The following ATP9A variants were observed in gnomAD, a reference collection of about 807,000 sequenced individuals.
ATP9A encodes the protein probable phospholipid-transporting ATPase IIA.
In ATP9A, 52 loss-of-function variants were observed where a neutral mutation model predicts 144.1. The ratio of observed to expected loss-of-function variants is 0.36; its 90% confidence interval spans 0.29 to 0.45. The LOEUF (loss-of-function observed/expected upper bound fraction) is 0.45. Ranked by LOEUF, ATP9A falls within the 20% of genes least tolerant of loss-of-function variation. The probability of loss-of-function intolerance (pLI) is 1.00; values close to 1 mark genes in which losing one functional copy is unlikely to be tolerated. For synonymous variants in ATP9A, 582 were observed against 557.4 expected (o/e 1.04, Z -0.62); for missense variants, 947 against 1,392.7 (o/e 0.68, Z 5.09).
In ATP9A at chr20:51,766,953, A is replaced by G. The variant is rs796394560; in HGVS notation, c.68+1349T>C. 2.0e-5 allele frequency among the ~76,000 whole-genome samples: 3 copies of G among 152,188 alleles called. No homozygotes were observed. The East Asian group carries it at 5.8e-4, about 29-fold the overall frequency. Reference sequence around the variant, plus strand: ...CAATCTCCATTTTGCAGTCTTCCCTATAGCCCTTAACCTCCGTAACCTCCA... The same window carrying G: ...CAATCTCCATTTTGCAGTCTTCCCTGTAGCCCTTAACCTCCGTAACCTCCA... On this transcript the variant is annotated intron_variant, in intron 1 of 27. Coordinates refer to ENST00000338821, the MANE Select transcript of ATP9A (RefSeq NM_006045.3).
intron 1 of ATP9A, among the ~76,000 whole-genome samples, chr20:51,766,566 G>C (rs776029684): frequency 6.6e-6 from 1 of 152,256 alleles, no homozygotes; most frequent in Non-Finnish European, 1.5e-5. Context: ...AGGAGGCCGG[G>C]CGCGGTGACT....
chr20:51,613,044 G>A (rs951019382), intron 23 of ATP9A, among the ~76,000 whole-genome samples: 41 of 152,172 alleles, frequency 2.7e-4, no homozygotes, highest in Admixed American at 5.9e-4. Flanking sequence ...CTGAATCCCT[G>A]CGGGACACCA....
At position 51,697,459 on chromosome 20, in the gene ATP9A, T is replaced by C. The variant is rs2077575384; in HGVS notation, c.460A>G (p.Asn154Asp). 6.2e-7 allele frequency: 1 copy of C among 1,613,714 alleles called. No homozygotes were observed. Among genetic ancestry groups the C allele is most frequent in the South Asian group, 1.1e-5 (1 of 90,980 alleles). ...ARGTVKVKSS[N>D]IQVGDLIIVE... is the part of the protein sequence containing the mutation. The stretch of plus-strand genomic sequence containing the variant: ...ATGATAAGGTCTCCAACTTGGATGT[T>C]AGAACTCTTCACCTTCACTGTGCCT... Residue 154 changes from asparagine (N) to aspartate (D), a missense_variant, in exon 5 of 28, where the codon AAC (asparagine) becomes GAC (aspartate). Asn to Asp is a conservative substitution (Grantham distance 23). Around this residue, in one of 2 missense-constraint regions of ATP9A, gnomAD observed 770 missense variants for 1,047.9 expected, o/e 0.73. Transcript: ENST00000338821.
chr20:51,726,074 G>T, intron 2 of ATP9A, 142 bp from the exon 3 acceptor site: 1 of 622,826 alleles, frequency 1.6e-6, no homozygotes. Flanking sequence ...AGAACTTTGG[G>T]AGGCCGAGGC....
chr20:51,751,379 C>T lies in ATP9A; in HGVS notation c.68+16923G>A, dbSNP rs371180355. 1.3e-4 allele frequency among the ~76,000 whole-genome samples: 19 copies of T among 151,290 alleles called. 3 individuals carry two copies. The highest frequency in any genetic ancestry group is 2.0e-4 in the East Asian group (1 of 5,110). On this transcript the variant is annotated intron_variant, in intron 1 of 27. Transcript: ENST00000338821. ...GACTCAAGGGATCCTCCCACTTCAGCCTCCCAAGTAACTGAGACCACAAAC... is the reference window on the plus strand; with the variant it reads ...GACTCAAGGGATCCTCCCACTTCAGTCTCCCAAGTAACTGAGACCACAAAC...
chr20:51,663,588 A>G (rs1272578927), intron 13 of ATP9A, among the ~76,000 whole-genome samples: 2 of 151,960 alleles, frequency 1.3e-5, no homozygotes. Context: ...AGGTCAGGAG[A>G]TCAAGACCAT....
At chr20:51,640,019 G>C (rs1415407669) in intron 14 of ATP9A, among the ~76,000 whole-genome samples, 1 of 152,174 alleles carries the variant, frequency 6.6e-6, no homozygotes, top group Non-Finnish European at 1.5e-5. Flanking sequence ...CCAGGAGGCA[G>C]AGATGCAGTG....
chr20:51,602,142 G>T (rs1453244718), intron 27 of ATP9A, among the ~76,000 whole-genome samples: 1 of 151,948 alleles, frequency 6.6e-6, no homozygotes, highest in Non-Finnish European at 1.5e-5. Context: ...GGCTTAAGCT[G>T]ACCCTCAGGG....
At chr20:51,658,096 C>T (rs1281159417) in intron 13 of ATP9A, among the ~76,000 whole-genome samples, 1 of 152,194 alleles carries the variant, frequency 6.6e-6, no homozygotes, top group African/African-American at 2.4e-5. Context: ...AAGCCTTATT[C>T]TTGGATGGGT....
At chr20:51,621,230 A>G (rs2077225802) in intron 19 of ATP9A, among the ~76,000 whole-genome samples, 1 of 152,088 alleles carries the variant, frequency 6.6e-6, no homozygotes, top group African/African-American at 2.4e-5. Flanking sequence ...GAGGTCACAG[A>G]TAAATTTTGG....
rs1243274845 is a variant in ATP9A, at chr20:51,598,779, G to C, written c.*2432C>G. 1.3e-5 allele frequency: 2 copies of C among 152,290 alleles called. No individual in the cohort carries two copies. The highest frequency in any genetic ancestry group is 3.8e-4 in the East Asian group (2 of 5,200). 9.4% of individuals were successfully genotyped at this position (152,290 alleles called of 1,614,324 possible). A position where few individuals can be genotyped will look rare whatever the true frequency, so the allele number is the denominator to read the frequency against. ...AGAAGCACGGTGTGTGCATTCCTAG[G>C]TGTTCAGGGACCGTCCAGTGAATGG... On this transcript the variant is annotated 3_prime_UTR_variant, in exon 28 of 28. Coordinates refer to ENST00000338821, the MANE Select transcript of ATP9A (RefSeq NM_006045.3).
intron 5 of ATP9A, 83 bp from the exon 6 acceptor site, chr20:51,696,227 C>T (rs967546682): frequency 4.4e-5 from 58 of 1,311,952 alleles, no homozygotes; most frequent in Non-Finnish European, 6.1e-5. Flanking sequence ...GCCCCCACCC[C>T]CAACCCCTCG....
chr20:51,712,904 CCT>C, intron 4 of ATP9A, 60 bp downstream of exon 4: 1 of 1,442,374 alleles, frequency 6.9e-7, no homozygotes, highest in African/African-American at 1.4e-5. Flanking sequence ...ACTCTTCTCC[CCT>C]GACTGTCAGC....
chr20:51,618,947 A>G lies in ATP9A; in HGVS notation c.2205+7T>C, dbSNP rs200327632. ...GAGGACTGGCTCTCAGGGGTCCCCAAGCTCACCTCCAGGGAGTCTCCCGAG... is the reference window on the plus strand; with the variant it reads ...GAGGACTGGCTCTCAGGGGTCCCCAGGCTCACCTCCAGGGAGTCTCCCGAG... On this transcript the variant is annotated splice_region_variant and intron_variant, in intron 20 of 27. Coordinates refer to ENST00000338821, the MANE Select transcript of ATP9A (RefSeq NM_006045.3). 1.1e-5 allele frequency: 18 copies of G among 1,613,882 alleles called. No individual in the cohort carries two copies. The African/African-American group carries it at 1.5e-4, about 13-fold the overall frequency.
intron 3 of ATP9A, among the ~76,000 whole-genome samples, chr20:51,714,694 G>C (rs2077654879): frequency 6.6e-6 from 1 of 152,180 alleles, no homozygotes; most frequent in African/African-American, 2.4e-5. Flanking sequence ...ATGTTGCCCA[G>C]GCTGGTCCTG....
intron 16 of ATP9A, 40 bp from the exon 17 acceptor site, chr20:51,627,723 A>G (rs779045237): frequency 1.3e-6 from 2 of 1,540,686 alleles, no homozygotes. Context: ...CGGTGCTGAG[A>G]GCTCCTGACC....
chr20:51,689,291 G>A, intron 8 of ATP9A, 152 bp from the exon 9 acceptor site: 3 of 656,836 alleles, frequency 4.6e-6, no homozygotes, highest in Middle Eastern at 6.3e-4. Context: ...CACCATGAGG[G>A]GAGGGCCAAG....
intron 9 of ATP9A, among the ~76,000 whole-genome samples, chr20:51,686,571 G>C (rs1040986959): frequency 6.6e-6 from 1 of 152,150 alleles, no homozygotes; most frequent in African/African-American, 2.4e-5. Flanking sequence ...AAGGAAAGTA[G>C]ATAGACCAGA....
chr20:51,601,065 G>T lies in ATP9A; in HGVS notation c.*146C>A. On this transcript the variant is annotated 3_prime_UTR_variant, in exon 28 of 28. Transcript: ENST00000338821. ...CCCGTTGATGCAGCGTTAGGACTCCGTTTAGGCGCAGAGCCACTTCCCATT... is the reference window on the plus strand; with the variant it reads ...CCCGTTGATGCAGCGTTAGGACTCCTTTTAGGCGCAGAGCCACTTCCCATT... 9.6e-7 allele frequency: 1 copy of T among 1,039,096 alleles called. No homozygotes were observed. The highest frequency in any genetic ancestry group is 2.0e-5 in the South Asian group (1 of 50,514). 64.4% of individuals were successfully genotyped at this position (1,039,096 alleles called of 1,614,324 possible).
Sources: gnomAD v4.1 joint callset for allele counts (sites outside exome capture counted in the v4.1 genomes callset) on GRCh38, gnomAD v4.1.1 for gene constraint, gnomAD v4.1.1 regional missense constraint, MANE v1.5 for transcripts, NCBI Gene and HGNC (gene_info 2026-07-23, HGNC 2026-07-21) for gene names.